The following PXMP2 variants were observed in gnomAD, a reference collection of about 807,000 sequenced individuals.
PXMP2 encodes the protein 22 kDa peroxisomal membrane protein.
PXMP2 carries 13 observed loss-of-function variants against 20.2 expected under a neutral mutation model. The ratio of observed to expected loss-of-function variants is 0.64; its 90% CI spans 0.42 to 1.02. PXMP2 has a LOEUF of 1.02. Among genes scored for constraint, PXMP2 ranks in the 50% least tolerant of loss-of-function variants. PXMP2 has a pLI of 0.00. For missense variants in PXMP2, 284 were observed against 251.8 expected (o/e 1.13, Z -0.87); for synonymous variants, 113 against 111.2 (o/e 1.02, Z -0.10).
At chr12:132,694,716 T>C (rs2043399411) in intron 2 of PXMP2, among the ~76,000 whole-genome samples, 1 of 130,992 alleles carries the variant, frequency 7.6e-6, no homozygotes, top group African/African-American at 2.9e-5. Context: ...CCCTTGCCAG[T>C]TAGTGAGCTC....
intron 4 of PXMP2, among the ~76,000 whole-genome samples, chr12:132,703,529 G>C (rs2043454401): frequency 6.6e-6 from 1 of 152,182 alleles, no homozygotes; most frequent in African/African-American, 2.4e-5. Context: ...AGAGAGGAGA[G>C]AGAAAGTGAC....
intron 2 of PXMP2, among the ~76,000 whole-genome samples, chr12:132,694,419 T>A (rs2043395681): frequency 1.1e-5 from 1 of 91,178 alleles, no homozygotes; most frequent in African/African-American, 3.9e-5. Context: ...TGCCAGTTAG[T>A]GAGCTCCCTT....
chr12:132,701,470 T>C, intron 4 of PXMP2, 101 bp downstream of exon 4: 8 of 1,429,854 alleles, frequency 5.6e-6, no homozygotes, highest in Non-Finnish European at 6.6e-6. Flanking sequence ...CCTCTTCTTT[T>C]CTCTTCTCTT....
At chr12:132,701,408 T>C (rs377354955) in intron 4 of PXMP2, 39 bp downstream of exon 4, 14 of 1,606,350 alleles carry the variant, frequency 8.7e-6, no homozygotes, top group Non-Finnish European at 1.0e-5. Flanking sequence ...AACATTACTT[T>C]GTCAGCCTTT....
intron 3 of PXMP2, among the ~76,000 whole-genome samples, chr12:132,698,771 C>T (rs151086682): frequency 0.077 from 11,659 of 152,032 alleles, 590 homozygotes; most frequent in Non-Finnish European, 0.11. Context: ...GGACAACAGG[C>T]GCCCACCACC....
At position 132,691,395 on chromosome 12, in the gene PXMP2, G is replaced by C. The variant is rs1331953195; in HGVS notation, c.236+1019G>C. Reference sequence around the variant, plus strand: ...AAACATCCAGAAAATAAATGCTTCGGTACCCTGAAAAATGTCCAGTTTCTG... The same window carrying C: ...AAACATCCAGAAAATAAATGCTTCGCTACCCTGAAAAATGTCCAGTTTCTG... On this transcript the variant is annotated intron_variant, in intron 2 of 4. Coordinates refer to ENST00000317479, the MANE Select transcript of PXMP2 (RefSeq NM_018663.3). Among the ~76,000 whole-genome samples, 3 of 152,080 alleles carry C rather than the reference G, an allele frequency of 2.0e-5. No homozygotes were observed. In the East Asian group the frequency reaches 5.8e-4, roughly 29 times the overall value.
At chr12:132,695,686 G>A (rs1454775972) in intron 2 of PXMP2, among the ~76,000 whole-genome samples, 198 bp from the exon 3 acceptor site, 1 of 152,204 alleles carries the variant, frequency 6.6e-6, no homozygotes, top group African/African-American at 2.4e-5. Flanking sequence ...GAGAGTCAAC[G>A]GCAGGAGCAA....
In PXMP2 at chr12:132,695,960, G is replaced by A. The variant is rs760468273; in HGVS notation, c.313G>A (p.Ala105Thr). The change falls in exon 3 of 5, where the codon GCA becomes ACA. Residue 105 changes from alanine to threonine, a missense_variant. Coordinates refer to ENST00000317479, the MANE Select transcript of PXMP2 (RefSeq NM_018663.3). ...EHWIPPEVPL[A>T]GLRRLLLDRL... The stretch of plus-strand genomic sequence containing the variant: ...TTGGATCCCTCCTGAGGTCCCCCTG[G>A]CAGGGCTCAGGAGGCTTCTCCTGGA... 2 of 1,612,556 alleles carry A rather than the reference G, an allele frequency of 1.2e-6. No homozygotes were observed. Among genetic ancestry groups the A allele is most frequent in the East Asian group, 2.2e-5 (1 of 44,846 alleles).
At chr12:132,687,877 G>T (rs1386978398) in intron 1 of PXMP2, 85 bp downstream of exon 1, 7 of 1,075,424 alleles carry the variant, frequency 6.5e-6, no homozygotes, top group Non-Finnish European at 7.9e-6. Flanking sequence ...CGCCGGGCCG[G>T]GACCAGGCTG....
chr12:132,702,889 G>A (rs1052165974), intron 4 of PXMP2, among the ~76,000 whole-genome samples: 1 of 152,216 alleles, frequency 6.6e-6, no homozygotes, highest in East Asian at 1.9e-4. Context: ...AGGCGGCCCA[G>A]TGTGTGCACA....
intron 4 of PXMP2, 32 bp downstream of exon 4, chr12:132,701,401 A>G (rs1420655008): frequency 5.6e-6 from 9 of 1,607,436 alleles, no homozygotes; most frequent in Admixed American, 3.3e-5. Flanking sequence ...CTCTGCTAAC[A>G]TTACTTTGTC....
At chr12:132,690,635 T>A (rs774000903) in intron 2 of PXMP2, among the ~76,000 whole-genome samples, 2 of 152,070 alleles carry the variant, frequency 1.3e-5, no homozygotes, top group Non-Finnish European at 2.9e-5. Flanking sequence ...AACCTCTGCC[T>A]CTCTGGTTCA....
chr12:132,691,193 A>G (rs2043364453), intron 2 of PXMP2, among the ~76,000 whole-genome samples: 1 of 151,884 alleles, frequency 6.6e-6, no homozygotes, highest in South Asian at 2.1e-4. Context: ...CTGGGACTAC[A>G]GGCACCTGCC....
chr12:132,696,581 T>A lies in PXMP2; in HGVS notation c.399+535T>A, dbSNP rs2043411127. Among the ~76,000 whole-genome samples the A allele has an allele frequency of 6.6e-6, 1 of 152,076 alleles. No homozygotes were observed. The highest frequency in any genetic ancestry group is 2.4e-5 in the African/African-American group (1 of 41,408). ...GGGAGGGCGAGGCGGGTGGATCACC[T>A]GAGGTCAGGAGTTCGAGACCAGCCT... On this transcript the variant is annotated intron_variant, in intron 3 of 4. Transcript: ENST00000317479. The surrounding 1 kb of genome is among the most constrained non-coding windows in gnomAD (Gnocchi z 4.4).
In PXMP2 at chr12:132,700,892, AG is replaced by A. The variant is rs529179398; in HGVS notation, c.400-357del. 1.5e-3 allele frequency among the ~76,000 whole-genome samples: 232 copies of A among 151,752 alleles called. 1 individual carries two copies. Among genetic ancestry groups the A allele is most frequent in the African/African-American group, 5.5e-3 (227 of 41,272 alleles). On this transcript the variant is annotated intron_variant, in intron 3 of 4. Transcript: ENST00000317479. Reference sequence around the variant, plus strand: ...AACTCCTAACAAGTTTTGATTGGAAAGACATCGACTTTGGAGGTTATTTGGG... The same window carrying A: ...AACTCCTAACAAGTTTTGATTGGAAAACATCGACTTTGGAGGTTATTTGGG...
At position 132,704,719 on chromosome 12, in the gene PXMP2, G is replaced by A; in HGVS notation, c.*32G>A. 1 of 1,590,552 alleles carries A rather than the reference G, an allele frequency of 6.3e-7. No individual in the cohort carries two copies. Among genetic ancestry groups the A allele is most frequent in the Non-Finnish European group, 8.6e-7 (1 of 1,165,908 alleles). On this transcript the variant is annotated 3_prime_UTR_variant, in exon 5 of 5. Coordinates refer to ENST00000317479, the MANE Select transcript of PXMP2 (RefSeq NM_018663.3). ...CTGGGAGAACATCAGGTGCACTGTG[G>A]ACGTGGGTCTGGGGGTCTCACCCGC...
At position 132,696,836 on chromosome 12, in the gene PXMP2, A is replaced by G. The variant is rs2043412739; in HGVS notation, c.399+790A>G. On this transcript the variant is annotated intron_variant, in intron 3 of 4. Coordinates refer to ENST00000317479, the MANE Select transcript of PXMP2 (RefSeq NM_018663.3). This position sits in a 1 kb window ranked among gnomAD's most constrained non-coding sequence, Gnocchi z 4.4. The stretch of plus-strand genomic sequence containing the variant: ...ACAAAACAAAACAAATTAGCCAGGT[A>G]TGGTGGTGCGTGCTTGTAATCCCAG... Among the ~76,000 whole-genome samples the G allele has an allele frequency of 1.3e-5, 2 of 151,858 alleles. No homozygotes were observed. The highest frequency in any genetic ancestry group is 2.4e-5 in the African/African-American group (1 of 41,346).
Position 132,704,710 on chromosome 12 carries a change from T to G in PXMP2, c.*23T>G. ...TGACGACCGCTGGGAGAACATCAGG[T>G]GCACTGTGGACGTGGGTCTGGGGGT... On this transcript the variant is annotated 3_prime_UTR_variant, in exon 5 of 5. Coordinates refer to ENST00000317479, the MANE Select transcript of PXMP2 (RefSeq NM_018663.3). The G allele has an allele frequency of 6.3e-7, 1 of 1,590,198 alleles. No homozygotes were observed.
intron 1 of PXMP2, 113 bp from the exon 2 acceptor site, chr12:132,690,150 T>C (rs1213740373): frequency 1.3e-6 from 1 of 775,724 alleles, no homozygotes; most frequent in East Asian, 2.5e-5. Context: ...CAAGAATTCC[T>C]ACCCCCCGCC....
Sources: allele counts gnomAD v4.1 joint callset (sites outside exome capture counted in the v4.1 genomes callset), GRCh38; gene constraint gnomAD v4.1.1; non-coding constraint Gnocchi (gnomAD v3.1); transcripts MANE v1.5; gene names NCBI Gene and HGNC (gene_info 2026-07-23, HGNC 2026-07-21).